LRBA: variants seen among roughly 807,000 people sequenced by gnomAD.
LRBA encodes the protein LPS responsive beige-like anchor protein, also known as lipopolysaccharide-responsive and beige-like anchor protein.
LRBA carries 176 observed loss-of-function variants against 330.0 expected under a neutral mutation model. That is an observed-to-expected ratio of 0.53 (90% CI 0.47 to 0.60). The LOEUF (loss-of-function observed/expected upper bound fraction) is 0.60, where lower values mean the gene tolerates loss of function less well. Among genes scored for constraint, LRBA ranks in the 20% least tolerant of loss-of-function variants. LRBA has a pLI of 0.00. For missense variants in LRBA, 3,259 were observed against 3,444.8 expected (o/e 0.95, Z 1.35); for synonymous variants, 1,230 against 1,193.0 (o/e 1.03, Z -0.64).
At chr4:150,548,523 T>C (rs1766135449) in intron 40 of LRBA, among the ~76,000 whole-genome samples, 1 of 151,862 alleles carries the variant, frequency 6.6e-6, no homozygotes, top group Non-Finnish European at 1.5e-5. Flanking sequence ...GTTAGGAGAG[T>C]TCAAGATTCT....
At chr4:150,491,512 A>G (rs1340270305) in intron 40 of LRBA, among the ~76,000 whole-genome samples, 1 of 152,106 alleles carries the variant, frequency 6.6e-6, no homozygotes, top group African/African-American at 2.4e-5. Flanking sequence ...CATAACTTTA[A>G]AAAATGACAC....
chr4:150,512,496 A>G (rs1761929316), intron 40 of LRBA, among the ~76,000 whole-genome samples: 1 of 152,106 alleles, frequency 6.6e-6, no homozygotes, highest in Admixed American at 6.6e-5. Flanking sequence ...GAATGGGATT[A>G]TAATAAGAGA....
Position 150,315,563 on chromosome 4 carries a change from A to G in LRBA, c.7691T>C (p.Ile2564Thr). 1 of 1,611,952 alleles carries G rather than the reference A, an allele frequency of 6.2e-7. No homozygotes were observed. The highest frequency in any genetic ancestry group is 8.5e-7 in the Non-Finnish European group (1 of 1,178,352). Reference protein sequence around the residue: ...YQLPVEIDPLIASNTGMHRRQ... With the variant: ...YQLPVEIDPLTASNTGMHRRQ... ...AAAGAGAGAAGGAAGTGACAGACCT[A>G]TGAGAGGATCGATTTCCACTGGCAG... The change falls in exon 51 of 57, where the codon ATA becomes ACA. Residue 2564 changes from isoleucine to threonine, a missense_variant and splice_region_variant. Transcript: ENST00000651943.
intron 52 of LRBA, among the ~76,000 whole-genome samples, chr4:150,307,028 A>G (rs544999763): frequency 2.0e-5 from 3 of 152,066 alleles, no homozygotes; most frequent in Non-Finnish European, 4.4e-5. Flanking sequence ...TATAAATTCT[A>G]TAAAATTGTG....
intron 13 of LRBA, among the ~76,000 whole-genome samples, chr4:150,905,127 T>C (rs2127152010): frequency 6.6e-6 from 1 of 152,286 alleles, no homozygotes; most frequent in East Asian, 1.9e-4. Context: ...ATTAAAGATT[T>C]TGTTCATATA....
chr4:150,330,472 G>T (rs1177924485), intron 48 of LRBA, among the ~76,000 whole-genome samples: 1 of 152,164 alleles, frequency 6.6e-6, no homozygotes, highest in Non-Finnish European at 1.5e-5. Flanking sequence ...ACCAGGGACT[G>T]GTTTCATGGA....
intron 11 of LRBA, among the ~76,000 whole-genome samples, chr4:150,907,772 C>CTATAACTTATATCCCTTTCTTTTT (rs1731515613): frequency 6.6e-6 from 1 of 152,100 alleles, no homozygotes; most frequent in Non-Finnish European, 1.5e-5. Context: ...ATGACTTACC[C>CTATAACTTATATCCCTTTCTTTTT]TATAACTTAT....
At chr4:150,972,729 T>C (rs1739720974) in intron 2 of LRBA, among the ~76,000 whole-genome samples, 1 of 152,226 alleles carries the variant, frequency 6.6e-6, no homozygotes, top group South Asian at 2.1e-4. Flanking sequence ...TGGCTCTTCA[T>C]TTAAGTTTAT....
chr4:150,465,706 T>C (rs1181962947), intron 44 of LRBA, among the ~76,000 whole-genome samples: 1 of 152,150 alleles, frequency 6.6e-6, no homozygotes, highest in East Asian at 1.9e-4. Context: ...TGTTGAGTTT[T>C]AGGAGTCTCT....
chr4:150,510,203 A>G (rs1761670930), intron 40 of LRBA, among the ~76,000 whole-genome samples: 1 of 152,200 alleles, frequency 6.6e-6, no homozygotes, highest in Admixed American at 6.5e-5. Context: ...TGCATAAATA[A>G]TACAATATCT....
At chr4:150,899,439 T>C (rs1399698092) in intron 14 of LRBA, among the ~76,000 whole-genome samples, 1 of 152,156 alleles carries the variant, frequency 6.6e-6, no homozygotes. Context: ...TTATATGAGC[T>C]GATTACCTCC....
chr4:150,654,986 T>C (rs972089504), intron 37 of LRBA, among the ~76,000 whole-genome samples: 1 of 152,278 alleles, frequency 6.6e-6, no homozygotes, highest in South Asian at 2.1e-4. Flanking sequence ...CTATTGTGAA[T>C]AGTGCCGCAA....
rs1751757751 is a variant in LRBA at position 150,860,463 on chromosome 4, C to A, written c.2766+7208G>T. Among the ~76,000 whole-genome samples the A allele has an allele frequency of 2.6e-5, 4 of 152,168 alleles. No individual in the cohort carries two copies. In the South Asian group the frequency reaches 8.3e-4, roughly 32 times the overall value. On this transcript the variant is annotated intron_variant, in intron 22 of 56. Coordinates refer to ENST00000651943, the MANE Select transcript of LRBA (RefSeq NM_001364905.1). ...CTTGGTCAAAAGTAGGCACTAGAGA[C>A]CTCTCCTTAAAGCAACTATTTTCTT...
chr4:150,591,239 C>G (rs1772790746), intron 38 of LRBA, among the ~76,000 whole-genome samples: 1 of 152,168 alleles, frequency 6.6e-6, no homozygotes, highest in African/African-American at 2.4e-5. Flanking sequence ...AGGACTGATT[C>G]ATTCCTCCAA....
chr4:150,620,159 AC>A (rs1055797925), intron 37 of LRBA, among the ~76,000 whole-genome samples: 41 of 152,184 alleles, frequency 2.7e-4, no homozygotes, highest in African/African-American at 8.7e-4. Context: ...TTTAAAAAAA[AC>A]ATTTCTCAAA....
chr4:150,319,871 G>A (rs1400740640), intron 50 of LRBA, among the ~76,000 whole-genome samples: 1 of 152,110 alleles, frequency 6.6e-6, no homozygotes, highest in African/African-American at 2.4e-5. Context: ...TTGGCATGAG[G>A]TCCTTGTTCA....
At chr4:151,004,038 C>T (rs987029885) in intron 2 of LRBA, among the ~76,000 whole-genome samples, 2 of 151,856 alleles carry the variant, frequency 1.3e-5, no homozygotes, top group South Asian at 2.1e-4. Flanking sequence ...CCTGCCTCAG[C>T]CTCTCCAGTA....
At chr4:150,395,397 G>A (rs1744588258) in intron 47 of LRBA, among the ~76,000 whole-genome samples, 1 of 152,020 alleles carries the variant, frequency 6.6e-6, no homozygotes, top group South Asian at 2.1e-4. Context: ...TTATGACTCT[G>A]ATATGTCTCT....
intron 2 of LRBA, among the ~76,000 whole-genome samples, chr4:150,992,152 C>T (rs1742160407): frequency 6.6e-6 from 1 of 151,990 alleles, no homozygotes; most frequent in African/African-American, 2.4e-5. Context: ...CCAGTCTCTA[C>T]TAAAAATACA....
Sources: allele counts gnomAD v4.1 joint callset (sites outside exome capture counted in the v4.1 genomes callset), GRCh38; gene constraint gnomAD v4.1.1; transcripts MANE v1.5; gene names NCBI Gene and HGNC (gene_info 2026-07-23, HGNC 2026-07-21).